The following ABCA1 variants were observed in gnomAD, a reference collection of about 807,000 sequenced individuals.
ABCA1 encodes the protein phospholipid-transporting ATPase ABCA1.
Under a neutral mutation model 262.5 loss-of-function variants are expected in ABCA1, and 133 were observed. That is an observed-to-expected ratio of 0.51 (90% CI 0.44 to 0.59). ABCA1 has a LOEUF of 0.59. Ranked by LOEUF, ABCA1 falls within the 20% of genes least tolerant of loss-of-function variation. The pLI, the probability that ABCA1 is intolerant of heterozygous loss-of-function variation, is 0.00. For synonymous variants in ABCA1, 1,022 were observed against 1,043.5 expected (o/e 0.98, Z 0.40); for missense variants, 2,452 against 2,777.5 (o/e 0.88, Z 2.63).
chr9:104,881,770 C>G (rs1838675623), intron 5 of ABCA1, among the ~76,000 whole-genome samples: 1 of 152,058 alleles, frequency 6.6e-6, no homozygotes, highest in Non-Finnish European at 1.5e-5. Context: ...TTGTTGCTAC[C>G]TTTCTGTCTC....
At chr9:104,880,535 T>C (rs1838540458) in intron 5 of ABCA1, among the ~76,000 whole-genome samples, 1 of 150,824 alleles carries the variant, frequency 6.6e-6, no homozygotes, top group Non-Finnish European at 1.5e-5. Context: ...TAAAAATAAA[T>C]TTAAACAAAT....
At chr9:104,830,895 G>C (rs748641592) in intron 14 of ABCA1, 30 bp downstream of exon 14, 1 of 1,612,524 alleles carries the variant, frequency 6.2e-7, no homozygotes, top group Non-Finnish European at 8.5e-7. Context: ...GTATAAACTG[G>C]TTAAAAACAG....
At position 104,796,095 on chromosome 9, in the gene ABCA1, A is replaced by C; in HGVS notation, c.5340T>G (p.Asn1780Lys). The C allele has an allele frequency of 6.2e-7, 1 of 1,613,424 alleles. No homozygotes were observed. Among genetic ancestry groups the C allele is most frequent in the Non-Finnish European group, 8.5e-7 (1 of 1,180,012 alleles). The change falls in exon 39 of 50, where the codon AAT becomes AAG. Residue 1780 changes from asparagine (N) to lysine (K), a missense_variant. Coordinates refer to ENST00000374736, the MANE Select transcript of ABCA1 (RefSeq NM_005502.4). ...CCAGCACAAAGGTGGCCACGCTGCC[A>C]TTAATGCCAATGAAGAGGTTCACGC... is the stretch of plus-strand genomic sequence containing the variant. ...LTSVNLFIGI[N>K]GSVATFVLEL...
intron 20 of ABCA1, among the ~76,000 whole-genome samples, chr9:104,820,562 T>A (rs1048487376): frequency 4.6e-5 from 7 of 152,162 alleles, no homozygotes; most frequent in Non-Finnish European, 1.0e-4. Flanking sequence ...AGAAGAAACA[T>A]AAGGGAAAAG....
At chr9:104,831,583 C>A in intron 13 of ABCA1, 39 bp downstream of exon 13, 1 of 1,559,444 alleles carries the variant, frequency 6.4e-7, no homozygotes, top group Non-Finnish European at 8.8e-7. Flanking sequence ...TGCTCTGGAC[C>A]TCCCCAAGAC....
chr9:104,869,716 C>T (rs987512809), intron 5 of ABCA1, among the ~76,000 whole-genome samples: 4 of 152,156 alleles, frequency 2.6e-5, no homozygotes, highest in Non-Finnish European at 4.4e-5. Context: ...TAAGGACACC[C>T]ATGCTGTTCA....
At chr9:104,798,929 T>A (rs1830112768) in intron 36 of ABCA1, among the ~76,000 whole-genome samples, 1 of 152,158 alleles carries the variant, frequency 6.6e-6, no homozygotes, top group Non-Finnish European at 1.5e-5. Flanking sequence ...AGCAGTAAGT[T>A]GTAAATTTTC....
chr9:104,831,685 T>G lies in ABCA1; in HGVS notation c.1652A>C (p.His551Pro). The G allele has an allele frequency of 6.2e-7, 1 of 1,614,194 alleles. No individual in the cohort carries two copies. Among genetic ancestry groups the G allele is most frequent in the Non-Finnish European group, 8.5e-7 (1 of 1,180,030 alleles). The change falls in exon 13 of 50, where the codon CAT becomes CCT. Residue 551 changes from histidine (H) to proline (P), a missense_variant. Physicochemically the swap from His to Pro is moderately conservative, Grantham distance 77. Coordinates refer to ENST00000374736, the MANE Select transcript of ABCA1 (RefSeq NM_005502.4). ...ITPGSIELPHHVKYKIRMDID... is the reference protein window; with the variant it reads ...ITPGSIELPHPVKYKIRMDID... ...GTCCATTCGGATCTTGTACTTGACA[T>G]GATGGGGCAGCTCAATGCTGCCTGG...
chr9:104,907,448 T>A (rs1297115995), intron 1 of ABCA1, among the ~76,000 whole-genome samples: 1 of 152,166 alleles, frequency 6.6e-6, no homozygotes, highest in African/African-American at 2.4e-5. Flanking sequence ...TTCCTTAGTA[T>A]GCAAAAGGGT....
At chr9:104,785,313 C>G in intron 49 of ABCA1, 83 bp downstream of exon 49, 6 of 1,559,856 alleles carry the variant, frequency 3.8e-6, no homozygotes, top group Non-Finnish European at 5.3e-6. Flanking sequence ...AAGATACAAA[C>G]TGCTCTTGGA....
At chr9:104,792,094 A>G in intron 42 of ABCA1, 96 bp from the exon 43 acceptor site, 1 of 1,082,284 alleles carries the variant, frequency 9.2e-7, no homozygotes, top group Non-Finnish European at 1.4e-6. Flanking sequence ...CATACACTGC[A>G]ACATAAGACT....
chr9:104,831,624 A>T lies in ABCA1; in HGVS notation c.1713T>A (p.Asp571Glu). 2 of 1,612,882 alleles carry T rather than the reference A, an allele frequency of 1.2e-6. No homozygotes were observed. The highest frequency in any genetic ancestry group is 8.5e-7 in the Non-Finnish European group (1 of 1,179,152). ...DNVERTNKIK[D>E]GYWDPGPRAD... Reference sequence around the variant, plus strand: ...TGGTGTGATGGGATTCCACTTACCCATCCTTGATTTTATTTGTCCTCTCCA... The same window carrying T: ...TGGTGTGATGGGATTCCACTTACCCTTCCTTGATTTTATTTGTCCTCTCCA... The change falls in exon 13 of 50, where the codon GAT becomes GAA. Residue 571 changes from aspartate (D) to glutamate (E), a missense_variant and splice_region_variant. Coordinates refer to ENST00000374736, the MANE Select transcript of ABCA1 (RefSeq NM_005502.4).
chr9:104,830,364 C>T (rs1833180440), intron 14 of ABCA1, among the ~76,000 whole-genome samples: 1 of 152,136 alleles, frequency 6.6e-6, no homozygotes, highest in South Asian at 2.1e-4. Context: ...GCAGATTGAG[C>T]AAATTTTGAC....
intron 1 of ABCA1, among the ~76,000 whole-genome samples, chr9:104,925,072 T>C (rs746987332): frequency 2.6e-5 from 4 of 152,172 alleles, no homozygotes; most frequent in African/African-American, 4.8e-5. Context: ...ACCGAAAATA[T>C]GTTCTAAGTC....
rs773179816 is a variant in ABCA1, at chr9:104,884,474, C to T, written c.255G>A (p.Pro85=). ...CAACTCCGGGAGCCTCCCCAGGAGT[C>T]GGGTAACGGAAACAGGGGTTGTTGG... ...CNANNPCFRY[P]TPGEAPGVVG... Residue 85 remains proline (P), a synonymous_variant, in exon 4 of 50, where the codon CCG becomes CCA. Transcript: ENST00000374736. The T allele has an allele frequency of 1.4e-5, 22 of 1,614,198 alleles. No homozygotes were observed. Among genetic ancestry groups the T allele is most frequent in the South Asian group, 3.3e-5 (3 of 91,086 alleles).
intron 33 of ABCA1, among the ~76,000 whole-genome samples, chr9:104,802,494 G>A (rs986261842): frequency 2.6e-5 from 4 of 152,156 alleles, no homozygotes; most frequent in African/African-American, 9.7e-5. Context: ...AGCAGATGGG[G>A]AGTTGGGAGA....
chr9:104,827,117 G>A lies in ABCA1; in HGVS notation c.2168C>T (p.Ser723Phe). 2 of 1,614,202 alleles carry A rather than the reference G, an allele frequency of 1.2e-6. No homozygotes were observed. The highest frequency in any genetic ancestry group is 1.7e-6 in the Non-Finnish European group (2 of 1,180,044). The change falls in exon 16 of 50, where the codon TCC (serine) becomes TTC (phenylalanine). Residue 723 changes from serine (S) to phenylalanine (F), a missense_variant. Ser to Phe is a radical substitution (Grantham distance 155, BLOSUM62 -2). This residue lies in a region of ABCA1 where 1,032 missense variants were observed against 1,089.7 expected (regional missense o/e 0.95). Transcript: ENST00000374736. Reference sequence around the variant, plus strand: ...CAGGATTGTCACCACAGCAAACACGGACAGGAAGACAAACACCACGCTGGG... The same window carrying A: ...CAGGATTGTCACCACAGCAAACACGAACAGGAAGACAAACACCACGCTGGG... ...SDPSVVFVFL[S>F]VFAVVTILQC...
chr9:104,851,602 C>T (rs1175293), intron 7 of ABCA1, among the ~76,000 whole-genome samples: 145,015 of 152,248 alleles, frequency 0.95, 69,126 homozygotes, highest in East Asian at 1. Flanking sequence ...AGGATGTTTC[C>T]TTCCTGACTG....
At chr9:104,812,510 C>G in intron 28 of ABCA1, 64 bp downstream of exon 28, 1 of 1,606,256 alleles carries the variant, frequency 6.2e-7, no homozygotes, top group South Asian at 1.1e-5. Context: ...CCTGCCTTCA[C>G]TGGTCACAGA....
Sources: gnomAD v4.1 joint callset for allele counts (sites outside exome capture counted in the v4.1 genomes callset) on GRCh38, gnomAD v4.1.1 for gene constraint, gnomAD v4.1.1 regional missense constraint, MANE v1.5 for transcripts, NCBI Gene and HGNC (gene_info 2026-07-23, HGNC 2026-07-21) for gene names.